Variants in EDIL3 observed in about 807,000 individuals in gnomAD.
The protein encoded by EDIL3 is EGF like and discoidin domains 3, also known as EGF-like repeat and discoidin I-like domain-containing protein 3.
In EDIL3, 37 loss-of-function variants were observed where a neutral mutation model predicts 67.4. The ratio of observed to expected loss-of-function variants is 0.55; its 90% CI spans 0.42 to 0.72. The LOEUF (loss-of-function observed/expected upper bound fraction) is 0.72. Among genes scored for constraint, EDIL3 ranks in the 30% least tolerant of loss-of-function variants. EDIL3 has a pLI of 0.00. For synonymous variants in EDIL3, 195 were observed against 196.3 expected, an observed-to-expected ratio of 0.99 and a Z score of 0.05; for missense variants, 527 against 586.3, an observed-to-expected ratio of 0.90 and a Z score of 1.04.
At chr5:84,135,345 C>T (rs1010348241) in intron 5 of EDIL3, among the ~76,000 whole-genome samples, 3 of 152,200 alleles carry the variant, frequency 2.0e-5, no homozygotes, top group Non-Finnish European at 2.9e-5. Context: ...CCTAGACATG[C>T]TCTAATCCAG....
intron 5 of EDIL3, among the ~76,000 whole-genome samples, chr5:84,132,039 C>T (rs903043561): frequency 1.3e-5 from 2 of 151,008 alleles, no homozygotes; most frequent in Non-Finnish European, 2.9e-5. Context: ...TTGAGATCAG[C>T]CTGGCTAATA....
chr5:84,150,235 C>A (rs963577110), intron 4 of EDIL3, among the ~76,000 whole-genome samples: 21 of 152,064 alleles, frequency 1.4e-4, no homozygotes, highest in Non-Finnish European at 2.6e-4. Context: ...CTTAGAACTA[C>A]ATAAGAAATC....
intron 1 of EDIL3, among the ~76,000 whole-genome samples, chr5:84,336,344 A>C (rs953402737): frequency 6.6e-6 from 1 of 152,310 alleles, no homozygotes; most frequent in African/African-American, 2.4e-5. Context: ...CTTGCAAGAT[A>C]CTTATGACTT....
intron 10 of EDIL3, among the ~76,000 whole-genome samples, chr5:83,943,813 C>T (rs1744266904): frequency 6.6e-6 from 1 of 151,810 alleles, no homozygotes; most frequent in South Asian, 2.1e-4. Context: ...TTTTCCTCTA[C>T]TTGTTTCTCT....
chr5:84,205,708 T>C (rs1483148979), intron 3 of EDIL3, among the ~76,000 whole-genome samples: 2 of 152,148 alleles, frequency 1.3e-5, no homozygotes, highest in African/African-American at 4.8e-5. Context: ...GTAGAGGTGT[T>C]TGTAGTATTC....
rs372000586 is a variant in EDIL3, at chr5:84,271,362, C to T, written c.68-17150G>A. On this transcript the variant is annotated intron_variant, in intron 1 of 10. Transcript: ENST00000296591. ...CCGGGAGGCAGAGTTTGCAGTGAGC[C>T]GAGATTGCGCCACTGCACTCCAGCC... Among the ~76,000 whole-genome samples the T allele has an allele frequency of 5.0e-4, 76 of 151,120 alleles. 1 individual carries two copies. The South Asian group carries it at 0.015, about 29-fold the overall frequency.
At chr5:84,100,942 T>C (rs766839687) in intron 6 of EDIL3, among the ~76,000 whole-genome samples, 8 of 152,044 alleles carry the variant, frequency 5.3e-5, no homozygotes, top group Non-Finnish European at 7.4e-5. Flanking sequence ...TAAGGCCCTT[T>C]TTCTTTCGCC....
At chr5:84,380,875 T>C (rs1304380103) in intron 1 of EDIL3, among the ~76,000 whole-genome samples, 1 of 152,004 alleles carries the variant, frequency 6.6e-6, no homozygotes, top group African/African-American at 2.4e-5. Context: ...TCCCTTTACA[T>C]TGCTATAATT....
chr5:84,150,578 C>T (rs1748371962), intron 4 of EDIL3, among the ~76,000 whole-genome samples: 1 of 151,994 alleles, frequency 6.6e-6, no homozygotes, highest in African/African-American at 2.4e-5. Context: ...AAATTAAAAG[C>T]AGAATAAGAT....
At chr5:84,301,320 C>T (rs2112130681) in intron 1 of EDIL3, among the ~76,000 whole-genome samples, 1 of 149,136 alleles carries the variant, frequency 6.7e-6, no homozygotes, top group Non-Finnish European at 1.5e-5. Context: ...CATATGGAAT[C>T]AGAAGTTAAA....
chr5:84,059,541 T>C (rs1026627809), intron 9 of EDIL3, among the ~76,000 whole-genome samples: 1 of 152,222 alleles, frequency 6.6e-6, no homozygotes, highest in Non-Finnish European at 1.5e-5. Flanking sequence ...ATTGTTTTCA[T>C]GATTTCTGGG....
chr5:84,011,751 T>C (rs538392127), intron 9 of EDIL3, among the ~76,000 whole-genome samples: 4 of 152,276 alleles, frequency 2.6e-5, no homozygotes, highest in African/African-American at 9.6e-5. Context: ...GACTTTTGCC[T>C]TTCTCCCCAA....
chr5:84,371,548 TA>T (rs1747856161), intron 1 of EDIL3, among the ~76,000 whole-genome samples: 1 of 146,970 alleles, frequency 6.8e-6, no homozygotes, highest in South Asian at 2.1e-4. Flanking sequence ...CAATATGAAA[TA>T]AAAAAAGCTA....
intron 5 of EDIL3, among the ~76,000 whole-genome samples, chr5:84,134,300 TATTTC>T (rs1748050144): frequency 6.6e-6 from 1 of 152,182 alleles, no homozygotes; most frequent in Non-Finnish European, 1.5e-5. Flanking sequence ...GTTTTGAAAA[TATTTC>T]ATTTAATTGT....
intron 3 of EDIL3, among the ~76,000 whole-genome samples, chr5:84,220,302 AC>A: frequency 6.6e-6 from 1 of 152,320 alleles, no homozygotes; most frequent in African/African-American, 2.4e-5. Flanking sequence ...CAGACAGTGC[AC>A]ATCCAGTTTT....
At chr5:84,231,299 C>T (rs1744573464) in intron 2 of EDIL3, among the ~76,000 whole-genome samples, 1 of 152,192 alleles carries the variant, frequency 6.6e-6, no homozygotes. Flanking sequence ...AGCAGCTTCA[C>T]AATTTTGCCT....
Position 84,119,140 on chromosome 5 carries a change from A to G in EDIL3, c.470-12310T>C, listed in dbSNP as rs969921303. ...AAAAAGTCGTAGTTGGAGGAGACTGACCTCTTTTACTACCTGGAGACACAT... is the reference window on the plus strand; with the variant it reads ...AAAAAGTCGTAGTTGGAGGAGACTGGCCTCTTTTACTACCTGGAGACACAT... On this transcript the variant is annotated intron_variant, in intron 5 of 10. Transcript: ENST00000296591. Among the ~76,000 whole-genome samples, 6 of 148,658 alleles carry G rather than the reference A, an allele frequency of 4.0e-5. No homozygotes were observed. The Admixed American group carries it at 4.1e-4, about 10-fold the overall frequency.
chr5:84,025,704 A>G (rs1246649326), intron 9 of EDIL3, among the ~76,000 whole-genome samples: 5 of 152,192 alleles, frequency 3.3e-5, no homozygotes, highest in African/African-American at 9.7e-5. Flanking sequence ...ACTTGCCAAC[A>G]GAATCAAAGA....
chr5:84,288,384 C>T (rs1481211230), intron 1 of EDIL3, among the ~76,000 whole-genome samples: 1 of 152,120 alleles, frequency 6.6e-6, no homozygotes, highest in African/African-American at 2.4e-5. Context: ...TCACTATCTT[C>T]TCAACATGCA....
Sources: gnomAD v4.1 joint callset for allele counts (sites outside exome capture counted in the v4.1 genomes callset) on GRCh38, gnomAD v4.1.1 for gene constraint, MANE v1.5 for transcripts, NCBI Gene and HGNC (gene_info 2026-07-23, HGNC 2026-07-21) for gene names.